ZFHX2: variants seen among roughly 807,000 people sequenced by gnomAD.
The protein encoded by ZFHX2 is zinc finger homeobox 2.
In ZFHX2, 75 loss-of-function variants were observed where a neutral mutation model predicts 164.8. That is an observed-to-expected ratio of 0.46 (90% CI 0.38 to 0.55). The LOEUF (loss-of-function observed/expected upper bound fraction) is 0.55. Among genes scored for constraint, ZFHX2 ranks in the 20% least tolerant of loss-of-function variants. The probability of loss-of-function intolerance (pLI) is 0.00; values close to 1 mark genes in which losing one functional copy is unlikely to be tolerated. For synonymous variants in ZFHX2, 1,217 were observed against 1,351.4 expected (o/e 0.90, Z 2.18); for missense variants, 2,933 against 3,308.0 (o/e 0.89, Z 2.78).
At chr14:23,555,167 T>C (rs1057389933), upstream of ZFHX2, among the ~76,000 whole-genome samples, 1 of 152,066 alleles carries the variant, frequency 6.6e-6, no homozygotes, top group Non-Finnish European at 1.5e-5. Flanking sequence ...TTTGCATTTT[T>C]AGTAGAGACG....
intron 6 of ZFHX2, 95 bp from the exon 7 acceptor site, chr14:23,527,899 T>A: frequency 2.7e-3 from 1,470 of 550,310 alleles, no homozygotes; most frequent in Non-Finnish European, 4.0e-3. Flanking sequence ...CCGCCCCCAC[T>A]CCTTTTTTTT....
rs972575881 is a variant in ZFHX2 at position 23,532,663 on chromosome 14, C to A, written c.2463G>T (p.Leu821=). The change falls in exon 3 of 10, where the codon CTG becomes CTT. Residue 821 remains leucine (L), a synonymous_variant. Coordinates refer to ENST00000419474, the MANE Select transcript of ZFHX2 (RefSeq NM_033400.3). Reference sequence around the variant, plus strand: ...ACTCAAAGTCACAGATGTTGCAGCGCAGGTGTAGTGGGGAGACAGACCCAT... The same window carrying A: ...ACTCAAAGTCACAGATGTTGCAGCGAAGGTGTAGTGGGGAGACAGACCCAT... ...APYGSVSPLH[L]RCNICDFESN... is the part of the protein sequence containing the mutation. 33 of 1,500,958 alleles carry A rather than the reference C, an allele frequency of 2.2e-5. No homozygotes were observed. Among genetic ancestry groups the A allele is most frequent in the Non-Finnish European group, 2.8e-5 (32 of 1,127,754 alleles). 93.0% of individuals were successfully genotyped at this position (1,500,958 alleles called of 1,614,324 possible).
In ZFHX2 at chr14:23,534,165, G is replaced by A. The variant is rs1176216547; in HGVS notation, c.1161C>T (p.Pro387=). 30 of 1,471,660 alleles carry A rather than the reference G, an allele frequency of 2.0e-5. No individual in the cohort carries two copies. Among genetic ancestry groups the A allele is most frequent in the Middle Eastern group, 1.8e-4 (1 of 5,664 alleles). 91.2% of individuals were successfully genotyped at this position (1,471,660 alleles called of 1,614,324 possible). ...EGQEEDGGLC[P]PLNQSSPTSK... ...AGGTGGGTGAGCTTTGGTTGAGTGG[G>A]GGGCAGAGCCCTCCATCCTCTTCTT... Residue 387 remains proline, a synonymous_variant, in exon 2 of 10, where the codon CCC becomes CCT. Coordinates refer to ENST00000419474, the MANE Select transcript of ZFHX2 (RefSeq NM_033400.3). The surrounding 1 kb of genome is among the most constrained non-coding windows in gnomAD (Gnocchi z 4.5).
At chr14:23,538,195 C>T (rs1880399721) in intron 1 of ZFHX2, 1 of 152,180 alleles carries the variant, frequency 6.6e-6, no homozygotes, top group Non-Finnish European at 1.5e-5. Context: ...CTCTGATCGG[C>T]CGAGGGTAGG....
chr14:23,539,742 C>T (rs1002700108), intron 1 of ZFHX2, among the ~76,000 whole-genome samples: 1 of 152,170 alleles, frequency 6.6e-6, no homozygotes, highest in African/African-American at 2.4e-5. Context: ...ACAGCCCCCT[C>T]CCACCTCTGG....
intron 1 of ZFHX2, among the ~76,000 whole-genome samples, chr14:23,550,487 A>G (rs1881836429): frequency 1.3e-5 from 2 of 152,228 alleles, no homozygotes; most frequent in Non-Finnish European, 2.9e-5. Flanking sequence ...TCAGATGGGA[A>G]GGGTCACAAG....
intron 3 of ZFHX2, 102 bp downstream of exon 3, chr14:23,532,465 T>C: frequency 7.4e-7 from 1 of 1,356,480 alleles, no homozygotes; most frequent in Non-Finnish European, 9.6e-7. Context: ...TTTTTCTCCA[T>C]TTGTCACCCA....
intron 1 of ZFHX2, among the ~76,000 whole-genome samples, chr14:23,537,022 C>T (rs374725048): frequency 2.0e-5 from 3 of 152,076 alleles, no homozygotes; most frequent in South Asian, 2.1e-4. Context: ...TGCCTGTAAT[C>T]CCAGCTACTC....
chr14:23,544,809 C>A (rs1485064791), intron 1 of ZFHX2, among the ~76,000 whole-genome samples: 3 of 152,176 alleles, frequency 2.0e-5, no homozygotes, highest in African/African-American at 7.2e-5. Flanking sequence ...GCTTTTGCAG[C>A]CCTGGCCACG....
intron 6 of ZFHX2, chr14:23,528,601 T>A: frequency 1.0e-6 from 1 of 985,408 alleles, no homozygotes; most frequent in Non-Finnish European, 1.2e-6. Flanking sequence ...TCTGCCTCTG[T>A]GAACCATCAC....
Position 23,522,314 on chromosome 14 carries a change from C to T in ZFHX2, c.7367G>A (p.Cys2456Tyr). ...DVTHRYLCRQ[C>Y]KMAFDGEAPA... Reference sequence around the variant, plus strand: ...GGCCTCCCCGTCAAATGCCATCTTGCACTGGCGGCACAGGTAGCGATGGGT... The same window carrying T: ...GGCCTCCCCGTCAAATGCCATCTTGTACTGGCGGCACAGGTAGCGATGGGT... The change falls in exon 10 of 10, where the codon TGC becomes TAC. Residue 2456 changes from cysteine (C) to tyrosine (Y), a missense_variant. By Grantham distance (194) the Cys-to-Tyr change is radical (BLOSUM62 -2). Transcript: ENST00000419474. 6.6e-7 allele frequency: 1 copy of T among 1,524,758 alleles called. No homozygotes were observed. Among genetic ancestry groups the T allele is most frequent in the South Asian group, 1.2e-5 (1 of 82,658 alleles). The allele number at this position is 1,524,758 out of a possible 1,614,324, so 94.5% of individuals were successfully genotyped here.
chr14:23,540,670 G>C (rs988558714), intron 1 of ZFHX2, among the ~76,000 whole-genome samples: 1 of 152,232 alleles, frequency 6.6e-6, no homozygotes, highest in Non-Finnish European at 1.5e-5. Context: ...CTCACTAGCT[G>C]TGCAACTCTG....
chr14:23,553,909 C>CAAAA (rs1423316343), upstream of ZFHX2, among the ~76,000 whole-genome samples: 3 of 151,332 alleles, frequency 2.0e-5, no homozygotes, highest in Non-Finnish European at 4.4e-5. Flanking sequence ...AACAAACAAA[C>CAAAA]AAAAATTAGG....
At position 23,525,049 on chromosome 14, in the gene ZFHX2, C is replaced by T; in HGVS notation, c.4893G>A (p.Leu1631=). Residue 1631 remains leucine (L), a synonymous_variant, in exon 9 of 10, where the codon CTG becomes CTA. Transcript: ENST00000419474. The surrounding 1 kb of genome is among the most constrained non-coding windows in gnomAD (Gnocchi z 5.9). ...KDGEVERLAS[L]LGLASRVVVV... ...CCACCACACGGCTAGCCAGACCCAACAGACTTGCGAGTCGCTCCACCTCTC... is the reference window on the plus strand; with the variant it reads ...CCACCACACGGCTAGCCAGACCCAATAGACTTGCGAGTCGCTCCACCTCTC... 3 of 1,536,220 alleles carry T rather than the reference C, an allele frequency of 2.0e-6. No individual in the cohort carries two copies. The highest frequency in any genetic ancestry group is 2.0e-5 in the Admixed American group (1 of 51,014).
intron 1 of ZFHX2, among the ~76,000 whole-genome samples, chr14:23,536,601 T>C (rs370332239): frequency 2.6e-5 from 4 of 152,242 alleles, no homozygotes; most frequent in African/African-American, 9.6e-5. Flanking sequence ...CCTGGCACTA[T>C]GTTAAATGCT....
chr14:23,554,735 C>T (rs1882219425), upstream of ZFHX2, among the ~76,000 whole-genome samples: 2 of 152,056 alleles, frequency 1.3e-5, no homozygotes, highest in South Asian at 4.1e-4. Flanking sequence ...TAATACCTCT[C>T]ACTGGTCATG....
chr14:23,534,625 G>A lies in ZFHX2; in HGVS notation c.701C>T (p.Ala234Val), dbSNP rs1457340621. The A allele has an allele frequency of 1.1e-5, 17 of 1,536,040 alleles. No homozygotes were observed. Among genetic ancestry groups the A allele is most frequent in the Admixed American group, 2.0e-5 (1 of 50,982 alleles). Reference protein sequence around the residue: ...PMGNSGGNHVAVFWLCLLCRL... With the variant: ...PMGNSGGNHVVVFWLCLLCRL... The stretch of plus-strand genomic sequence containing the variant: ...GCACAGAAGGCAGAGCCAGAAGACC[G>A]CCACGTGGTTGCCCCCGCTGTTCCC... The change falls in exon 2 of 10, where the codon GCG becomes GTG. Residue 234 changes from alanine (A) to valine (V), a missense_variant. Coordinates refer to ENST00000419474, the MANE Select transcript of ZFHX2 (RefSeq NM_033400.3). This position sits in a 1 kb window ranked among gnomAD's most constrained non-coding sequence, Gnocchi z 4.5.
At chr14:23,536,441 G>A (rs1411536757) in intron 1 of ZFHX2, among the ~76,000 whole-genome samples, 1 of 152,144 alleles carries the variant, frequency 6.6e-6, no homozygotes, top group African/African-American at 2.4e-5. Context: ...ATCCATCTCT[G>A]GTCACAGCAT....
chr14:23,541,717 G>C (rs182513231), intron 1 of ZFHX2, among the ~76,000 whole-genome samples: 1 of 152,320 alleles, frequency 6.6e-6, no homozygotes, highest in East Asian at 1.9e-4. Context: ...GACAGAAGCA[G>C]CTAATAAGTG....
Sources: gnomAD v4.1 joint callset for allele counts (sites outside exome capture counted in the v4.1 genomes callset) on GRCh38, gnomAD v4.1.1 for gene constraint, Gnocchi (gnomAD v3.1) non-coding constraint, MANE v1.5 for transcripts, NCBI Gene and HGNC (gene_info 2026-07-23, HGNC 2026-07-21) for gene names.